Variants in CELF4 observed in about 807,000 individuals in gnomAD.
CELF4 encodes CUGBP Elav-like family member 4, also known as CUG-BP- and ETR-3-like factor 4.
A neutral mutation model predicts 59.9 loss-of-function variants in CELF4; 18 were observed. The observed-to-expected ratio is 0.30, with a 90% CI of 0.21 to 0.45. The LOEUF is 0.45. Ranked by LOEUF, CELF4 falls within the 20% of genes least tolerant of loss-of-function variation. CELF4 has a pLI of 1.00. For synonymous variants in CELF4, 261 were observed against 267.1 expected, an observed-to-expected ratio of 0.98 and a Z score of 0.22; for missense variants, 456 against 689.0, an observed-to-expected ratio of 0.66 and a Z score of 3.79.
At chr18:37,273,278 A>C in intron 6 of CELF4, 115 bp from the exon 7 acceptor site, 11 of 1,461,274 alleles carry the variant, frequency 7.5e-6, no homozygotes, top group Non-Finnish European at 1.0e-5. Flanking sequence ...GAAGCTCCCA[A>C]CTACCACTCC....
intron 12 of CELF4, among the ~76,000 whole-genome samples, chr18:37,248,719 C>T (rs982018182): frequency 1.3e-4 from 20 of 152,332 alleles, no homozygotes; most frequent in South Asian, 4.1e-4. Context: ...ATTCAACTTT[C>T]GGCTGACTTC....
intron 6 of CELF4, 198 bp downstream of exon 6, chr18:37,274,113 G>A (rs558589985): frequency 6.8e-5 from 94 of 1,391,662 alleles, no homozygotes; most frequent in Non-Finnish European, 8.4e-5. Flanking sequence ...CCTCCTGGCA[G>A]CCACCCCAAC....
At position 37,472,762 on chromosome 18, in the gene CELF4, C is replaced by T. The variant is rs541994805; in HGVS notation, c.369+12763G>A. 9.2e-5 allele frequency among the ~76,000 whole-genome samples: 14 copies of T among 152,224 alleles called. No individual in the cohort carries two copies. In the East Asian group the frequency reaches 2.7e-3, roughly 29 times the overall value. ...GGTTTCGCCTCTAAGGCCTGAAGGT[C>T]TTCAGAGAAGGGAGAAATTGGGAGG... is the stretch of plus-strand genomic sequence containing the variant. On this transcript the variant is annotated intron_variant, in intron 2 of 12. Coordinates refer to ENST00000420428, the MANE Select transcript of CELF4 (RefSeq NM_020180.4).
chr18:37,335,408 G>T (rs2097731484), intron 2 of CELF4, among the ~76,000 whole-genome samples: 1 of 152,124 alleles, frequency 6.6e-6, no homozygotes, highest in Non-Finnish European at 1.5e-5. Flanking sequence ...GACTAGGAGT[G>T]TGGGAGGTGT....
At chr18:37,249,617 G>A (rs889015906) in intron 12 of CELF4, among the ~76,000 whole-genome samples, 2 of 152,054 alleles carry the variant, frequency 1.3e-5, no homozygotes, top group Admixed American at 6.6e-5. Flanking sequence ...AAGACTCCAC[G>A]GGCTCAGCTG....
At chr18:37,431,621 G>T (rs534710087) in intron 2 of CELF4, among the ~76,000 whole-genome samples, 1 of 151,982 alleles carries the variant, frequency 6.6e-6, no homozygotes. Context: ...TGCCCGCCTC[G>T]GCCTCCCAAA....
intron 2 of CELF4, among the ~76,000 whole-genome samples, chr18:37,388,983 C>T (rs762890396): frequency 5.3e-5 from 8 of 152,120 alleles, no homozygotes; most frequent in South Asian, 2.1e-4. Context: ...TGAAGGCTCT[C>T]GGAGGCACCA....
At chr18:37,540,740 GC>G (rs1320239907) in intron 1 of CELF4, among the ~76,000 whole-genome samples, 2 of 152,232 alleles carry the variant, frequency 1.3e-5, no homozygotes, top group Non-Finnish European at 1.5e-5. Flanking sequence ...AGCAGCAGTG[GC>G]CCTGGCAAGG....
At chr18:37,520,853 C>G (rs1454181964) in intron 1 of CELF4, among the ~76,000 whole-genome samples, 1 of 152,130 alleles carries the variant, frequency 6.6e-6, no homozygotes, top group Non-Finnish European at 1.5e-5. Context: ...AGTAGAGTGT[C>G]AATGCCAGGG....
intron 1 of CELF4, among the ~76,000 whole-genome samples, chr18:37,562,873 G>C (rs1216950336): frequency 6.6e-6 from 1 of 152,140 alleles, no homozygotes; most frequent in Non-Finnish European, 1.5e-5. Flanking sequence ...AGGATGGAGA[G>C]GTAGGAAGTT....
chr18:37,545,081 T>C (rs2099980488), intron 1 of CELF4, among the ~76,000 whole-genome samples: 2 of 152,192 alleles, frequency 1.3e-5, no homozygotes, highest in Non-Finnish European at 2.9e-5. Flanking sequence ...ATACATGTGT[T>C]CTGGGAGAGG....
chr18:37,408,459 G>GGT (rs2099405207), intron 2 of CELF4, among the ~76,000 whole-genome samples: 1 of 126,838 alleles, frequency 7.9e-6, no homozygotes, highest in South Asian at 2.7e-4. Context: ...AATCAAGAAG[G>GGT]TTTTTTTTTT....
chr18:37,541,365 C>T (rs2099977668), intron 1 of CELF4, among the ~76,000 whole-genome samples: 1 of 152,052 alleles, frequency 6.6e-6, no homozygotes, highest in African/African-American at 2.4e-5. Flanking sequence ...CTCCCCACAT[C>T]ACACCCAATC....
chr18:37,494,508 C>T (rs1465616690), intron 1 of CELF4, among the ~76,000 whole-genome samples: 1 of 152,208 alleles, frequency 6.6e-6, no homozygotes, highest in Non-Finnish European at 1.5e-5. Context: ...CCTACTGGTC[C>T]CCAGGAGAGC....
chr18:37,308,729 C>G (rs1006318076), intron 3 of CELF4, among the ~76,000 whole-genome samples: 2 of 151,934 alleles, frequency 1.3e-5, no homozygotes, highest in Non-Finnish European at 2.9e-5. Flanking sequence ...CACCCAGTGC[C>G]AGGATTTGGT....
intron 1 of CELF4, among the ~76,000 whole-genome samples, chr18:37,504,011 T>A (rs1211885877): frequency 6.6e-6 from 1 of 152,078 alleles, no homozygotes; most frequent in African/African-American, 2.4e-5. Context: ...CAGGAGAGGA[T>A]GGGAGTTCCT....
chr18:37,315,573 C>T (rs2154504273), intron 3 of CELF4, among the ~76,000 whole-genome samples: 1 of 152,212 alleles, frequency 6.6e-6, no homozygotes, highest in East Asian at 1.9e-4. Context: ...TGGGCCTTGT[C>T]TGCTCTGTGT....
chr18:37,481,914 C>T (rs903651547), intron 2 of CELF4, among the ~76,000 whole-genome samples: 6 of 152,216 alleles, frequency 3.9e-5, no homozygotes, highest in African/African-American at 1.4e-4. Context: ...CGATCTCCTC[C>T]TCTGTGAGGG....
chr18:37,275,284 G>A, intron 3 of CELF4, 41 bp from the exon 4 acceptor site: 1 of 1,610,712 alleles, frequency 6.2e-7, no homozygotes, highest in East Asian at 2.2e-5. Context: ...GCCAGGGACC[G>A]GGCTGCGCGG....
Sources: allele counts gnomAD v4.1 joint callset (sites outside exome capture counted in the v4.1 genomes callset), GRCh38; gene constraint gnomAD v4.1.1; transcripts MANE v1.5; gene names NCBI Gene and HGNC (gene_info 2026-07-23, HGNC 2026-07-21).